Variants in KIAA1549 observed in about 807,000 individuals in gnomAD.
KIAA1549 encodes the protein KIAA1549, also known as UPF0606 protein KIAA1549.
KIAA1549 carries 70 observed loss-of-function variants against 156.4 expected under a neutral mutation model. The ratio of observed to expected loss-of-function variants is 0.45; its 90% CI spans 0.37 to 0.55. The LOEUF (loss-of-function observed/expected upper bound fraction) is 0.55. Among genes scored for constraint, KIAA1549 ranks in the 20% least tolerant of loss-of-function variants. The pLI, the probability that KIAA1549 is intolerant of heterozygous loss-of-function variation, is 0.00. For synonymous variants in KIAA1549, 1,103 were observed against 1,066.4 expected (o/e 1.03, Z -0.67); for missense variants, 2,428 against 2,540.9 (o/e 0.96, Z 0.96).
At chr7:138,894,831 G>A (rs143990612) in intron 9 of KIAA1549, among the ~76,000 whole-genome samples, 50 of 152,242 alleles carry the variant, frequency 3.3e-4, no homozygotes, top group African/African-American at 1.1e-3. Flanking sequence ...TAGCTCACCC[G>A]TAACTTATCA....
intron 10 of KIAA1549, among the ~76,000 whole-genome samples, chr7:138,890,562 G>A (rs1013725839): frequency 2.0e-4 from 30 of 152,364 alleles, no homozygotes; most frequent in African/African-American, 7.0e-4. Flanking sequence ...GTTTGGGAGA[G>A]CAGGGCTCCC....
chr7:138,971,985 G>A (rs1454153668), intron 1 of KIAA1549, among the ~76,000 whole-genome samples: 1 of 152,184 alleles, frequency 6.6e-6, no homozygotes, highest in South Asian at 2.1e-4. Context: ...TGAAGGTGGA[G>A]GATGAACTGG....
At chr7:138,913,159 C>T (rs978797919) in intron 2 of KIAA1549, among the ~76,000 whole-genome samples, 2 of 152,120 alleles carry the variant, frequency 1.3e-5, no homozygotes, top group East Asian at 1.9e-4. Context: ...TAGACGTGAG[C>T]CACCGCACCC....
intron 1 of KIAA1549, among the ~76,000 whole-genome samples, chr7:138,932,608 G>A (rs1812903044): frequency 6.6e-6 from 1 of 152,272 alleles, no homozygotes; most frequent in African/African-American, 2.4e-5. Context: ...AGGCTAATGG[G>A]GGCAAGAGGA....
intron 9 of KIAA1549, 80 bp from the exon 10 acceptor site, chr7:138,894,606 T>C (rs1811634529): frequency 2.9e-6 from 4 of 1,382,040 alleles, no homozygotes; most frequent in African/African-American, 1.4e-5. Flanking sequence ...TATGAGAAAC[T>C]CAGAAGTCCC....
At chr7:138,966,002 A>C (rs926764157) in intron 1 of KIAA1549, among the ~76,000 whole-genome samples, 1 of 152,112 alleles carries the variant, frequency 6.6e-6, no homozygotes, top group Non-Finnish European at 1.5e-5. Context: ...CTCCTGCCTC[A>C]AGGCCTCTGC....
At chr7:138,874,532 C>T (rs1811026586) in intron 12 of KIAA1549, among the ~76,000 whole-genome samples, 1 of 152,178 alleles carries the variant, frequency 6.6e-6, no homozygotes, top group Non-Finnish European at 1.5e-5. Context: ...AGCAATATGG[C>T]TGAGCTTGGA....
chr7:138,839,560 T>A (rs760060098), intron 19 of KIAA1549, among the ~76,000 whole-genome samples: 1 of 152,110 alleles, frequency 6.6e-6, no homozygotes, highest in African/African-American at 2.4e-5. Flanking sequence ...CCGCCAAACA[T>A]GAACTCCAGA....
intron 1 of KIAA1549, among the ~76,000 whole-genome samples, chr7:138,966,556 T>C (rs929570922): frequency 6.6e-6 from 1 of 151,946 alleles, no homozygotes; most frequent in Non-Finnish European, 1.5e-5. Context: ...GCATCCAGCA[T>C]GGGAGAAACA....
intron 10 of KIAA1549, among the ~76,000 whole-genome samples, chr7:138,889,415 T>C (rs994114256): frequency 2.0e-5 from 3 of 152,246 alleles, no homozygotes; most frequent in African/African-American, 7.2e-5. Flanking sequence ...AGCATTATTA[T>C]TACTGTTGAT....
chr7:138,869,543 C>T lies in KIAA1549; in HGVS notation c.4770G>A (p.Arg1590=). 6.4e-7 allele frequency: 1 copy of T among 1,564,418 alleles called. No homozygotes were observed. The change falls in exon 14 of 20, where the codon AGG becomes AGA. Residue 1590 remains arginine (R), a synonymous_variant. Transcript: ENST00000422774. ...AGCGCAGAGCCCCAGCCCACCTCTT[C>T]CTGGGCTCTATGAACACGGAGGGCA... ...ASVPSVFIEP[R]KSSRIKRSPK...
chr7:138,867,566 AT>A (rs10712671), intron 15 of KIAA1549, among the ~76,000 whole-genome samples: 59,852 of 146,450 alleles, frequency 0.41, 12,644 homozygotes, highest in African/African-American at 0.6. Flanking sequence ...AAAAAAAAAA[AT>A]AATAAAAATA....
chr7:138,869,412 G>A (rs750072977), intron 14 of KIAA1549, 126 bp downstream of exon 14: 27 of 733,536 alleles, frequency 3.7e-5, no homozygotes, highest in Non-Finnish European at 5.6e-5. Context: ...AGACCTCCAC[G>A]TGAACACGGA....
At chr7:138,957,083 G>C (rs1327172496) in intron 1 of KIAA1549, among the ~76,000 whole-genome samples, 1 of 152,232 alleles carries the variant, frequency 6.6e-6, no homozygotes, top group African/African-American at 2.4e-5. Context: ...ATGAGGAAGA[G>C]AAGTGCATTC....
At position 138,837,731 on chromosome 7, in the gene KIAA1549, G is replaced by C; in HGVS notation, c.*175C>G. On this transcript the variant is annotated 3_prime_UTR_variant, in exon 20 of 20. Transcript: ENST00000422774. ...TCAGACAATTGCCAGCCCAGTGAAA[G>C]GCTCATGAGCTGTCACACGACGTAT... 1.5e-6 allele frequency: 1 copy of C among 649,810 alleles called. No individual in the cohort carries two copies. The highest frequency in any genetic ancestry group is 2.6e-6 in the Non-Finnish European group (1 of 389,038). The allele number at this position is 649,810 out of a possible 1,614,324, so 40.3% of individuals were successfully genotyped here.
At position 138,831,607 on chromosome 7, in the gene KIAA1549, G is replaced by A. The variant is rs1300816320; in HGVS notation, c.*6299C>T. 7 of 228,716 alleles carry A rather than the reference G, an allele frequency of 3.1e-5. No homozygotes were observed. Among genetic ancestry groups the A allele is most frequent in the Non-Finnish European group, 5.2e-5 (6 of 115,316 alleles). The allele number at this position is 228,716 out of a possible 1,614,324, so 14.2% of individuals were successfully genotyped here. On this transcript the variant is annotated 3_prime_UTR_variant, in exon 20 of 20. Transcript: ENST00000422774. ...CATACTGAGATTTCAGTGCCTGTTTGAGGACCAGCAAACCATGATTGTCAA... is the reference window on the plus strand; with the variant it reads ...CATACTGAGATTTCAGTGCCTGTTTAAGGACCAGCAAACCATGATTGTCAA...
chr7:138,977,943 G>A lies in KIAA1549; in HGVS notation c.187+3140C>T, dbSNP rs191363244. Reference sequence around the variant, plus strand: ...TCAAACTCCTGACCTCAGGTGATCCGCCCACCTCGGCTTCCCAAAGTGCTG... The same window carrying A: ...TCAAACTCCTGACCTCAGGTGATCCACCCACCTCGGCTTCCCAAAGTGCTG... On this transcript the variant is annotated intron_variant, in intron 1 of 19. Transcript: ENST00000422774. 7.6e-3 allele frequency among the ~76,000 whole-genome samples: 1,161 copies of A among 152,194 alleles called. 23 individuals are homozygous for A. Among genetic ancestry groups the A allele is most frequent in the African/African-American group, 0.026 (1,080 of 41,534 alleles).
chr7:138,954,099 A>G (rs1813585198), intron 1 of KIAA1549, among the ~76,000 whole-genome samples: 1 of 152,214 alleles, frequency 6.6e-6, no homozygotes, highest in African/African-American at 2.4e-5. Context: ...TATACGCACA[A>G]GAAGTTAGAT....
At chr7:138,959,762 C>A (rs1813782562) in intron 1 of KIAA1549, among the ~76,000 whole-genome samples, 1 of 152,188 alleles carries the variant, frequency 6.6e-6, no homozygotes, top group Admixed American at 6.5e-5. Context: ...TTCCTAAGAG[C>A]TGAACTACTG....
Sources: gnomAD v4.1 joint callset for allele counts (sites outside exome capture counted in the v4.1 genomes callset) on GRCh38, gnomAD v4.1.1 for gene constraint, MANE v1.5 for transcripts, NCBI Gene and HGNC (gene_info 2026-07-23, HGNC 2026-07-21) for gene names.